PTPRE: variants seen among roughly 807,000 people sequenced by gnomAD.
PTPRE encodes the protein protein tyrosine phosphatase receptor type E, also known as receptor-type tyrosine-protein phosphatase epsilon.
Under a neutral mutation model 102.0 loss-of-function variants are expected in PTPRE, and 51 were observed. The observed-to-expected ratio is 0.50, with a 90% CI of 0.40 to 0.63. The LOEUF is 0.63. Ranked by LOEUF, PTPRE falls within the 30% of genes least tolerant of loss-of-function variation. PTPRE has a pLI of 0.00. For missense variants in PTPRE, 752 were observed against 915.1 expected, an observed-to-expected ratio of 0.82 and a Z score of 2.30; for synonymous variants, 345 against 348.2, an observed-to-expected ratio of 0.99 and a Z score of 0.10.
intron 2 of PTPRE, among the ~76,000 whole-genome samples, chr10:127,990,299 C>A (rs1195335920): frequency 6.6e-6 from 1 of 150,506 alleles, no homozygotes; most frequent in Non-Finnish European, 1.5e-5. Flanking sequence ...GTAATCTCAG[C>A]TACTCAGGAG....
intron 1 of PTPRE, chr10:127,965,108 A>G: frequency 7.4e-6 from 3 of 404,142 alleles, no homozygotes; most frequent in South Asian, 3.7e-5. Context: ...TAAGTACATC[A>G]TTATTACAAG....
At chr10:127,960,894 A>G (rs905240233) in intron 1 of PTPRE, among the ~76,000 whole-genome samples, 6 of 151,836 alleles carry the variant, frequency 4.0e-5, no homozygotes, top group East Asian at 1.9e-4. Context: ...GGTGGTGGTC[A>G]CCTGTAGTCC....
chr10:127,943,219 T>C (rs1411907575), intron 1 of PTPRE, among the ~76,000 whole-genome samples: 1 of 152,208 alleles, frequency 6.6e-6, no homozygotes, highest in Non-Finnish European at 1.5e-5. Context: ...CATAAATTTG[T>C]TTTTCTGAGC....
intron 7 of PTPRE, among the ~76,000 whole-genome samples, chr10:128,057,396 G>T (rs1190628224): frequency 6.6e-6 from 1 of 152,138 alleles, no homozygotes; most frequent in African/African-American, 2.4e-5. Flanking sequence ...GGTCCACAAA[G>T]GGAGTCCATC....
Position 128,018,870 on chromosome 10 carries a change from T to TCA in PTPRE, c.-7-22004_-7-22003insAC, listed in dbSNP as rs1273255187. Among the ~76,000 whole-genome samples the TCA allele has an allele frequency of 1.8e-4, 27 of 146,838 alleles. No homozygotes were observed. In the South Asian group the frequency reaches 2.0e-3, roughly 11 times the overall value. On this transcript the variant is annotated intron_variant, in intron 2 of 20. Coordinates refer to ENST00000254667, the MANE Select transcript of PTPRE (RefSeq NM_006504.6). ...CTCTCTGCATCTCTGTCTCTCTCTC[T>TCA]CTCACACACACACACACACTCACAC...
intron 1 of PTPRE, among the ~76,000 whole-genome samples, chr10:127,914,616 A>AG (rs1338332989): frequency 1.3e-5 from 2 of 152,170 alleles, no homozygotes; most frequent in African/African-American, 4.8e-5. Flanking sequence ...TTCCAGAGAG[A>AG]CCTGCTAGTG....
At chr10:128,074,154 CATT>C (rs1851026954) in intron 17 of PTPRE, among the ~76,000 whole-genome samples, 1 of 152,144 alleles carries the variant, frequency 6.6e-6, no homozygotes, top group African/African-American at 2.4e-5. Context: ...CTATTCTGGA[CATT>C]ATTATAAATG....
At chr10:127,912,729 A>G (rs1845947211) in intron 1 of PTPRE, among the ~76,000 whole-genome samples, 1 of 152,244 alleles carries the variant, frequency 6.6e-6, no homozygotes, top group African/African-American at 2.4e-5. Flanking sequence ...CGCCCTGGGC[A>G]GGTACATGAC....
intron 2 of PTPRE, among the ~76,000 whole-genome samples, chr10:128,018,123 G>A (rs775502972): frequency 1.1e-4 from 17 of 152,174 alleles, no homozygotes; most frequent in Non-Finnish European, 2.2e-4. Context: ...GCAACTGAGA[G>A]GGGTGCCTGT....
chr10:127,919,458 A>G (rs1286489138), intron 1 of PTPRE, among the ~76,000 whole-genome samples: 1 of 152,156 alleles, frequency 6.6e-6, no homozygotes, highest in Admixed American at 6.5e-5. Context: ...TGCTCCTGCC[A>G]CCCGTGGGCT....
chr10:128,085,193 C>A lies in PTPRE; in HGVS notation c.*2287C>A, dbSNP rs962968030. 1 of 438,094 alleles carries A rather than the reference C, an allele frequency of 2.3e-6. No homozygotes were observed. Among genetic ancestry groups the A allele is most frequent in the African/African-American group, 2.0e-5 (1 of 49,448 alleles). 27.1% of individuals were successfully genotyped at this position (438,094 alleles called of 1,614,324 possible). A position where few individuals can be genotyped will look rare whatever the true frequency, so the allele number is the denominator to read the frequency against. On this transcript the variant is annotated 3_prime_UTR_variant, in exon 21 of 21. Coordinates refer to ENST00000254667, the MANE Select transcript of PTPRE (RefSeq NM_006504.6). ...CATGGCCTCTACCAAGGCCCCAGAT[C>A]ACAGGATCTCCTGGGCCTTGGAGCA... is the stretch of plus-strand genomic sequence containing the variant.
intron 1 of PTPRE, among the ~76,000 whole-genome samples, chr10:127,953,578 C>T (rs535777491): frequency 2.0e-5 from 3 of 152,176 alleles, no homozygotes; most frequent in African/African-American, 7.2e-5. Flanking sequence ...AGAAAAGGTC[C>T]TGGAGGCATA....
At chr10:127,966,532 A>G (rs754839862) in intron 1 of PTPRE, among the ~76,000 whole-genome samples, 1 of 152,216 alleles carries the variant, frequency 6.6e-6, no homozygotes, top group South Asian at 2.1e-4. Context: ...ATGCAGCCAT[A>G]GGGTGACCAG....
chr10:127,981,490 G>GT (rs545719511), intron 1 of PTPRE, among the ~76,000 whole-genome samples: 1,858 of 150,190 alleles, frequency 0.012, 40 homozygotes, highest in African/African-American at 0.04. Flanking sequence ...CAATAAAACT[G>GT]TTTTTTTTTA....
rs1239009143 is a variant in PTPRE, at chr10:128,049,591, C to A, written c.345C>A (p.Ile115=). 1 of 1,614,034 alleles carries A rather than the reference C, an allele frequency of 6.2e-7. No individual in the cohort carries two copies. Among genetic ancestry groups the A allele is most frequent in the African/African-American group, 1.3e-5 (1 of 75,018 alleles). The change falls in exon 6 of 21, where the codon ATC becomes ATA. Residue 115 remains isoleucine, a synonymous_variant. Transcript: ENST00000254667. ...SPSGPKKYFP[I]PVEHLEEEIR... ...CAGGGCCCAAGAAGTATTTTCCCAT[C>A]CCCGTGGAGCACCTGGAGGAGGAGA...
chr10:128,061,874 G>A (rs1267024075), intron 9 of PTPRE, among the ~76,000 whole-genome samples, 159 bp downstream of exon 9: 12 of 152,202 alleles, frequency 7.9e-5, no homozygotes, highest in Non-Finnish European at 1.5e-4. Flanking sequence ...ACGGATATGT[G>A]TAGTCAGAGA....
chr10:128,082,792 T>C (rs781571702), intron 20 of PTPRE, 40 bp from the exon 21 acceptor site: 8 of 1,524,450 alleles, frequency 5.2e-6, no homozygotes, highest in East Asian at 2.5e-5. Flanking sequence ...AATATATTTT[T>C]GGGAATATCA....
At chr10:128,032,723 T>G (rs1235537948) in intron 2 of PTPRE, among the ~76,000 whole-genome samples, 2 of 152,222 alleles carry the variant, frequency 1.3e-5, no homozygotes, top group African/African-American at 4.8e-5. Context: ...TGAGATGCCA[T>G]GGTCATCAGC....
intron 19 of PTPRE, 34 bp downstream of exon 19, chr10:128,077,817 TG>T: frequency 6.4e-7 from 1 of 1,561,496 alleles, no homozygotes; most frequent in Non-Finnish European, 8.7e-7. Flanking sequence ...CCAGGTGGGG[TG>T]GACACAGGCT....
Sources: gnomAD v4.1 joint callset for allele counts (sites outside exome capture counted in the v4.1 genomes callset) on GRCh38, gnomAD v4.1.1 for gene constraint, MANE v1.5 for transcripts, NCBI Gene and HGNC (gene_info 2026-07-23, HGNC 2026-07-21) for gene names.